Variants in BAD observed in about 807,000 individuals in gnomAD.
BAD encodes bcl2-associated agonist of cell death.
Under a neutral mutation model 17.8 loss-of-function variants are expected in BAD, and 18 were observed. That is an observed-to-expected ratio of 1.01 (90% CI 0.70 to 1.50). The LOEUF is 1.50. BAD is among the 40% of genes most tolerant of loss of function. The pLI, the probability that BAD is intolerant of heterozygous loss-of-function variation, is 0.00. For synonymous variants in BAD, 112 were observed against 91.5 expected (o/e 1.22, Z -1.28); for missense variants, 294 against 239.3 (o/e 1.23, Z -1.51).
chr11:64,270,116 T>C lies in BAD; in HGVS notation c.*93A>G. On this transcript the variant is annotated 3_prime_UTR_variant, in exon 4 of 4. Coordinates refer to ENST00000309032, the MANE Select transcript of BAD (RefSeq NM_032989.3). ...AAAGGAGACAGCACGGATCCTCTTT[T>C]TGCATAGGCCTGAGGGAAGTACTTC... 1 of 1,585,144 alleles carries C rather than the reference T, an allele frequency of 6.3e-7. No homozygotes were observed. Among genetic ancestry groups the C allele is most frequent in the Admixed American group, 1.7e-5 (1 of 57,320 alleles).
At chr11:64,273,240 G>A (rs1482597510) in intron 2 of BAD, among the ~76,000 whole-genome samples, 1 of 152,176 alleles carries the variant, frequency 6.6e-6, no homozygotes, top group African/African-American at 2.4e-5. Context: ...AGGTGTGGTG[G>A]TTCACGCCTG....
chr11:64,277,116 A>G (rs990840867), intron 2 of BAD: 3 of 650,208 alleles, frequency 4.6e-6, no homozygotes, highest in Non-Finnish European at 5.7e-6. Context: ...ACACTTAATT[A>G]AAACAGTGGT....
chr11:64,284,487 C>T (rs751467516), intron 1 of BAD, 111 bp from the exon 2 acceptor site: 5 of 1,585,612 alleles, frequency 3.2e-6, no homozygotes, highest in East Asian at 4.5e-5. Flanking sequence ...CCCCCAGGCC[C>T]GCCAGGCCTC....
chr11:64,281,124 C>T (rs770911811), intron 2 of BAD, among the ~76,000 whole-genome samples: 8 of 152,318 alleles, frequency 5.3e-5, no homozygotes, highest in Non-Finnish European at 1.2e-4. Context: ...CCCACCACCA[C>T]GCCCAGAGAA....
At chr11:64,280,631 G>A (rs1482611935) in intron 2 of BAD, among the ~76,000 whole-genome samples, 1 of 150,476 alleles carries the variant, frequency 6.6e-6, no homozygotes, top group Middle Eastern at 3.3e-3. Flanking sequence ...GATTACAGGC[G>A]TGAGCCACCG....
intron 2 of BAD, among the ~76,000 whole-genome samples, chr11:64,274,121 G>A (rs547128141): frequency 2.0e-5 from 3 of 152,254 alleles, no homozygotes; most frequent in Admixed American, 1.3e-4. Flanking sequence ...GGCCGGGTGC[G>A]GTGGCTTACG....
intron 2 of BAD, among the ~76,000 whole-genome samples, chr11:64,275,299 G>A (rs1333335280): frequency 1.3e-5 from 2 of 152,180 alleles, no homozygotes; most frequent in Non-Finnish European, 2.9e-5. Flanking sequence ...GGGAACAGAA[G>A]GGGCACTGAC....
intron 2 of BAD, among the ~76,000 whole-genome samples, chr11:64,280,895 T>C (rs1266869275): frequency 2.0e-5 from 3 of 151,286 alleles, no homozygotes; most frequent in Non-Finnish European, 4.4e-5. Flanking sequence ...CTTGAACTCC[T>C]GACCTCAAGT....
At chr11:64,284,095 TC>T in intron 2 of BAD, 86 bp downstream of exon 2, 5 of 1,455,666 alleles carry the variant, frequency 3.4e-6, no homozygotes, top group Non-Finnish European at 4.6e-6. Flanking sequence ...CCCAAAGCAT[TC>T]AGTGCCTGTG....
intron 2 of BAD, among the ~76,000 whole-genome samples, chr11:64,283,563 C>G (rs2033626203): frequency 6.6e-6 from 1 of 152,240 alleles, no homozygotes; most frequent in Admixed American, 6.5e-5. Flanking sequence ...TGTGCCAGGA[C>G]AGTCCTGCTG....
At chr11:64,270,437 G>C in intron 3 of BAD, 100 bp from the exon 4 acceptor site, 5 of 1,435,928 alleles carry the variant, frequency 3.5e-6, no homozygotes, top group Non-Finnish European at 4.7e-6. Flanking sequence ...GATCGGGGGG[G>C]AGATAATGAA....
intron 2 of BAD, among the ~76,000 whole-genome samples, chr11:64,273,995 A>C (rs888327089): frequency 1.3e-5 from 2 of 152,030 alleles, no homozygotes; most frequent in African/African-American, 4.8e-5. Context: ...TAACCATTGG[A>C]ATGTCTCTTC....
chr11:64,273,879 A>AAC (rs1555068247), intron 2 of BAD, among the ~76,000 whole-genome samples: 4 of 151,008 alleles, frequency 2.6e-5, no homozygotes, highest in Non-Finnish European at 4.4e-5. Context: ...AAAAAAAAAA[A>AAC]AGAGAGGCAG....
At chr11:64,274,056 A>C (rs1380792191) in intron 2 of BAD, among the ~76,000 whole-genome samples, 1 of 152,172 alleles carries the variant, frequency 6.6e-6, no homozygotes, top group South Asian at 2.1e-4. Context: ...CAGGGCCTCC[A>C]GGGGTCCCAG....
intron 2 of BAD, among the ~76,000 whole-genome samples, chr11:64,280,317 G>A (rs1259332496): frequency 8.3e-6 from 1 of 121,202 alleles, no homozygotes; most frequent in African/African-American, 2.9e-5. Flanking sequence ...AAGACTCCAT[G>A]TCAAAAATAA....
intron 2 of BAD, chr11:64,276,704 G>A: frequency 1.8e-6 from 1 of 544,538 alleles, no homozygotes; most frequent in East Asian, 3.2e-5. Context: ...CTGGGGGAAG[G>A]AGAGGGCTGG....
chr11:64,282,569 T>C (rs1017084155), intron 2 of BAD, among the ~76,000 whole-genome samples: 8 of 149,482 alleles, frequency 5.4e-5, no homozygotes, highest in Non-Finnish European at 1.0e-4. Flanking sequence ...ACCCCGCCCC[T>C]GCCCTCATCT....
At chr11:64,277,830 C>G (rs1403782160) in intron 2 of BAD, among the ~76,000 whole-genome samples, 1 of 152,208 alleles carries the variant, frequency 6.6e-6, no homozygotes, top group African/African-American at 2.4e-5. Context: ...CTGTGACAAC[C>G]ACTCACCTTT....
chr11:64,278,384 A>T (rs896077055), intron 2 of BAD, among the ~76,000 whole-genome samples: 1 of 148,166 alleles, frequency 6.7e-6, no homozygotes, highest in Non-Finnish European at 1.5e-5. Flanking sequence ...TTATATATAT[A>T]TATTTATATA....
Sources: allele counts gnomAD v4.1 joint callset (sites outside exome capture counted in the v4.1 genomes callset), GRCh38; gene constraint gnomAD v4.1.1; transcripts MANE v1.5; gene names NCBI Gene and HGNC (gene_info 2026-07-23, HGNC 2026-07-21).